RPS27L: variants seen among roughly 807,000 people sequenced by gnomAD.
RPS27L encodes the protein ribosomal protein S27 like, also known as ribosomal protein eS27-like.
A neutral mutation model predicts 12.8 loss-of-function variants in RPS27L; 10 were observed. The ratio of observed to expected loss-of-function variants is 0.78; its 90% CI spans 0.48 to 1.33. The LOEUF (loss-of-function observed/expected upper bound fraction) is 1.33. Among genes scored for constraint, RPS27L ranks in the 40% most tolerant of loss-of-function variants. The probability of loss-of-function intolerance (pLI) is 0.00; values close to 1 mark genes in which losing one functional copy is unlikely to be tolerated. For synonymous variants in RPS27L, 26 were observed against 32.3 expected, an observed-to-expected ratio of 0.81 and a Z score of 0.66; for missense variants, 81 against 97.4, an observed-to-expected ratio of 0.83 and a Z score of 0.71.
Position 63,155,743 on chromosome 15 carries a change from A to C in RPS27L, c.116-12T>G, listed in dbSNP as rs1169905074. On this transcript the variant is annotated splice_polypyrimidine_tract_variant and intron_variant, in intron 2 of 3. Transcript: ENST00000330964. The stretch of plus-strand genomic sequence containing the variant: ...GATCTTGTAGCAACCTAAAAAAAAA[A>C]AAAGGCAATGTTAAAAATGAAAAGC... The C allele has an allele frequency of 1.4e-6, 2 of 1,447,432 alleles. No homozygotes were observed. The highest frequency in any genetic ancestry group is 1.8e-6 in the Non-Finnish European group (2 of 1,088,000). 89.7% of individuals were successfully genotyped at this position (1,447,432 alleles called of 1,614,324 possible).
At chr15:63,155,864 C>G (rs1240513342) in intron 2 of RPS27L, 133 bp from the exon 3 acceptor site, 1 of 461,344 alleles carries the variant, frequency 2.2e-6, no homozygotes, top group Non-Finnish European at 3.7e-6. Flanking sequence ...GTAACATAAA[C>G]TTTTCTAGCA....
chr15:63,153,984 T>C lies in RPS27L; in HGVS notation c.*48A>G, dbSNP rs745908458. 6.8e-7 allele frequency: 1 copy of C among 1,460,230 alleles called. No homozygotes were observed. Among genetic ancestry groups the C allele is most frequent in the South Asian group, 1.2e-5 (1 of 85,154 alleles). The allele number at this position is 1,460,230 out of a possible 1,614,324, so 90.5% of individuals were successfully genotyped here. On this transcript the variant is annotated 3_prime_UTR_variant, in exon 4 of 4. Transcript: ENST00000330964. ...AGAATTATGGAATTTATGATAAGGC[T>C]TTCTGTGAGACAACACAAAATTAAA...
At chr15:63,157,194 G>C (rs114380073) in intron 1 of RPS27L, 2 of 621,776 alleles carry the variant, frequency 3.2e-6, no homozygotes, top group South Asian at 3.6e-5. Flanking sequence ...CCTCTGAATT[G>C]CAGCCCACGC....
Position 63,148,830 on chromosome 15 carries a change from ACAC to A in RPS27L, c.*5199_*5201del, listed in dbSNP as rs1038579541. 11 of 151,594 alleles carry A rather than the reference ACAC, an allele frequency of 7.3e-5. No homozygotes were observed. Among genetic ancestry groups the A allele is most frequent in the African/African-American group, 2.7e-4 (11 of 41,228 alleles). 9.4% of individuals were successfully genotyped at this position (151,594 alleles called of 1,614,324 possible). Reference sequence around the variant, plus strand: ...CTATTTAAGTGTCGATCAATAGCAAACACCATGACCTGATGTCATTTCTTTTTT... The same window carrying A: ...CTATTTAAGTGTCGATCAATAGCAAACATGACCTGATGTCATTTCTTTTTT... On this transcript the variant is annotated 3_prime_UTR_variant, in exon 4 of 4. Coordinates refer to ENST00000330964, the MANE Select transcript of RPS27L (RefSeq NM_015920.4).
chr15:63,149,372 G>C lies in RPS27L; in HGVS notation c.*4660C>G, dbSNP rs947448752. ...AGGTCAGCAGATCGAGACCATCCTG[G>C]CTAACACGGTGAAACCCCATCTCTA... On this transcript the variant is annotated 3_prime_UTR_variant, in exon 4 of 4. Coordinates refer to ENST00000330964, the MANE Select transcript of RPS27L (RefSeq NM_015920.4). The C allele has an allele frequency of 1.3e-5, 2 of 151,946 alleles. No homozygotes were observed. The highest frequency in any genetic ancestry group is 2.9e-5 in the Non-Finnish European group (2 of 68,022). 9.4% of individuals were successfully genotyped at this position (151,946 alleles called of 1,614,324 possible). A position where few individuals can be genotyped will look rare whatever the true frequency, so the allele number is the denominator to read the frequency against.
rs1253367395 is a variant in RPS27L at position 63,153,894 on chromosome 15, A to C, written c.*138T>G. On this transcript the variant is annotated 3_prime_UTR_variant, in exon 4 of 4. Coordinates refer to ENST00000330964, the MANE Select transcript of RPS27L (RefSeq NM_015920.4). ...ACTTTATTGAAAAACTGACACCAAA[A>C]TAGGAGATTACTGCTGTATACCTTA... is the stretch of plus-strand genomic sequence containing the variant. The C allele has an allele frequency of 4.4e-6, 3 of 685,888 alleles. No individual in the cohort carries two copies. The Admixed American group carries it at 8.3e-5, about 19-fold the overall frequency. 42.5% of individuals were successfully genotyped at this position (685,888 alleles called of 1,614,324 possible).
Position 63,153,962 on chromosome 15 carries a change from A to G in RPS27L, c.*70T>C. The G allele has an allele frequency of 8.0e-7, 1 of 1,250,690 alleles. No individual in the cohort carries two copies. The highest frequency in any genetic ancestry group is 1.2e-5 in the South Asian group (1 of 81,328). 77.5% of individuals were successfully genotyped at this position (1,250,690 alleles called of 1,614,324 possible). A position where few individuals can be genotyped will look rare whatever the true frequency, so the allele number is the denominator to read the frequency against. On this transcript the variant is annotated 3_prime_UTR_variant, in exon 4 of 4. Coordinates refer to ENST00000330964, the MANE Select transcript of RPS27L (RefSeq NM_015920.4). Reference sequence around the variant, plus strand: ...ACATTATCTTGGTAAATTAATTAGAATTATGGAATTTATGATAAGGCTTTC... The same window carrying G: ...ACATTATCTTGGTAAATTAATTAGAGTTATGGAATTTATGATAAGGCTTTC...
At position 63,148,687 on chromosome 15, in the gene RPS27L, G is replaced by C. The variant is rs1417895390; in HGVS notation, c.*5345C>G. The C allele has an allele frequency of 6.6e-6, 1 of 152,076 alleles. No homozygotes were observed. The highest frequency in any genetic ancestry group is 2.1e-4 in the South Asian group (1 of 4,826). The allele number at this position is 152,076 out of a possible 1,614,324, so 9.4% of individuals were successfully genotyped here. A position where few individuals can be genotyped will look rare whatever the true frequency, so the allele number is the denominator to read the frequency against. On this transcript the variant is annotated 3_prime_UTR_variant, in exon 4 of 4. Transcript: ENST00000330964. ...TCTTTGAAAGGTGAAGTTTTGCTAG[G>C]TGTGAAAGTGAGAGTAGCCCTAGTA...
intron 1 of RPS27L, chr15:63,157,077 A>C (rs944417344): frequency 1.4e-5 from 6 of 432,796 alleles, no homozygotes; most frequent in African/African-American, 2.1e-5. Context: ...GAGAAACACC[A>C]ATCACTGGGA....
chr15:63,153,857 C>A lies in RPS27L; in HGVS notation c.*175G>T. 1 of 586,558 alleles carries A rather than the reference C, an allele frequency of 1.7e-6. No individual in the cohort carries two copies. The allele number at this position is 586,558 out of a possible 1,614,324, so 36.3% of individuals were successfully genotyped here. ...TAAAAAAAGAAAAAGAGGGGATTTG[C>A]CCATAATCAAAACTTTATTGAAAAA... is the stretch of plus-strand genomic sequence containing the variant. On this transcript the variant is annotated 3_prime_UTR_variant, in exon 4 of 4. Coordinates refer to ENST00000330964, the MANE Select transcript of RPS27L (RefSeq NM_015920.4).
chr15:63,156,148 A>T (rs1293860620), intron 2 of RPS27L, among the ~76,000 whole-genome samples: 1 of 152,244 alleles, frequency 6.6e-6, no homozygotes, highest in Non-Finnish European at 1.5e-5. Flanking sequence ...TCTTTGTATC[A>T]TGAAACAGAA....
intron 1 of RPS27L, chr15:63,156,742 T>C: frequency 1.7e-6 from 1 of 605,682 alleles, no homozygotes; most frequent in South Asian, 2.1e-5. Context: ...TTTCGCACGA[T>C]CAGGAAACAT....
rs1489510595 is a variant in RPS27L at position 63,150,516 on chromosome 15, A to G, written c.*3516T>C. ...GTTTGGATTTTATAGTATCTGAATC[A>G]TATCTCCAGAAAAATAAAACAGAAA... On this transcript the variant is annotated 3_prime_UTR_variant, in exon 4 of 4. Coordinates refer to ENST00000330964, the MANE Select transcript of RPS27L (RefSeq NM_015920.4). 6.6e-6 allele frequency: 1 copy of G among 152,248 alleles called. No homozygotes were observed. Among genetic ancestry groups the G allele is most frequent in the Non-Finnish European group, 1.5e-5 (1 of 68,050 alleles). 9.4% of individuals were successfully genotyped at this position (152,248 alleles called of 1,614,324 possible).
chr15:63,157,042 G>C (rs1211153566), intron 1 of RPS27L: 1 of 370,442 alleles, frequency 2.7e-6, no homozygotes, highest in Non-Finnish European at 4.9e-6. Context: ...GTAGGAAATC[G>C]CTTCCGAAAG....
intron 3 of RPS27L, chr15:63,154,755 A>G (rs1393693785): frequency 1.3e-5 from 2 of 152,110 alleles, no homozygotes; most frequent in Non-Finnish European, 2.9e-5. Context: ...AAGTATTACT[A>G]TGGAAACTAT....
chr15:63,155,689 ACTGT>A lies in RPS27L; in HGVS notation c.154_157del (p.Thr52TrpfsTer5), dbSNP rs2037327517. Reference sequence around the variant, plus strand: ...TGTTGAACAACCTACACAAAGAACCACTGTCTGAGCATGGCTGAAAACCGTGGTG... The same window carrying A: ...TGTTGAACAACCTACACAAAGAACCACTGAGCATGGCTGAAAACCGTGGTG... On this transcript the variant is annotated frameshift_variant, in exon 3 of 4. Coordinates refer to ENST00000330964, the MANE Select transcript of RPS27L (RefSeq NM_015920.4). LOFTEE classifies it high-confidence loss of function. 6.4e-7 allele frequency: 1 copy of A among 1,566,882 alleles called. No homozygotes were observed. The highest frequency in any genetic ancestry group is 8.6e-7 in the Non-Finnish European group (1 of 1,157,716).
intron 1 of RPS27L, chr15:63,157,108 C>T (rs1171134062): frequency 4.1e-6 from 2 of 486,686 alleles, no homozygotes; most frequent in Non-Finnish European, 7.3e-6. Flanking sequence ...ACCCAAAGAT[C>T]ACAACCTCAG....
Position 63,151,027 on chromosome 15 carries a change from C to T in RPS27L, c.*3005G>A, listed in dbSNP as rs1478763449. ...TTTATATTAAGTTTATGGAAGGTTT[C>T]CTTTACAAATATATTTACATTAAAA... On this transcript the variant is annotated 3_prime_UTR_variant, in exon 4 of 4. Coordinates refer to ENST00000330964, the MANE Select transcript of RPS27L (RefSeq NM_015920.4). 1.3e-5 allele frequency: 2 copies of T among 152,028 alleles called. No homozygotes were observed. Among genetic ancestry groups the T allele is most frequent in the Non-Finnish European group, 2.9e-5 (2 of 68,008 alleles). The allele number at this position is 152,028 out of a possible 1,614,324, so 9.4% of individuals were successfully genotyped here.
Position 63,151,204 on chromosome 15 carries a change from C to T in RPS27L, c.*2828G>A, listed in dbSNP as rs1189585011. 6.6e-6 allele frequency: 1 copy of T among 152,134 alleles called. No homozygotes were observed. The highest frequency in any genetic ancestry group is 1.9e-4 in the East Asian group (1 of 5,190). 9.4% of individuals were successfully genotyped at this position (152,134 alleles called of 1,614,324 possible). On this transcript the variant is annotated 3_prime_UTR_variant, in exon 4 of 4. Transcript: ENST00000330964. ...TAATAATAAAGTAAAACTTAATACA[C>T]CATTCGTTTCCCAATGCCATGTAAA... is the stretch of plus-strand genomic sequence containing the variant.
Sources: gnomAD v4.1 joint callset for allele counts (sites outside exome capture counted in the v4.1 genomes callset) on GRCh38, gnomAD v4.1.1 for gene constraint, MANE v1.5 for transcripts, NCBI Gene and HGNC (gene_info 2026-07-23, HGNC 2026-07-21) for gene names.